PPP1R37: variants seen among roughly 807,000 people sequenced by gnomAD.
The protein encoded by PPP1R37 is leucine rich repeat containing 68.
In PPP1R37, 21 loss-of-function variants were observed where a neutral mutation model predicts 61.0. That is an observed-to-expected ratio of 0.34 (90% CI 0.24 to 0.50). The LOEUF is 0.50. Among genes scored for constraint, PPP1R37 ranks in the 20% least tolerant of loss-of-function variants. The pLI is 0.98. For missense variants in PPP1R37, 910 were observed against 952.7 expected, an observed-to-expected ratio of 0.96 and a Z score of 0.59; for synonymous variants, 443 against 433.5, an observed-to-expected ratio of 1.02 and a Z score of -0.27.
intron 7 of PPP1R37, 125 bp downstream of exon 7, chr19:45,142,583 C>T: frequency 3.8e-6 from 4 of 1,042,998 alleles, no homozygotes; most frequent in Non-Finnish European, 5.5e-6. Context: ...TGCTGGGGCT[C>T]CCAGGAGGAA....
chr19:45,108,358 C>T (rs1442800779), intron 1 of PPP1R37, among the ~76,000 whole-genome samples: 1 of 152,016 alleles, frequency 6.6e-6, no homozygotes, highest in Non-Finnish European at 1.5e-5. Flanking sequence ...TATAGGCGCG[C>T]ACCACCACGC....
chr19:45,125,083 AGAG>A (rs1388066486), intron 1 of PPP1R37, among the ~76,000 whole-genome samples: 3 of 152,228 alleles, frequency 2.0e-5, no homozygotes, highest in South Asian at 2.1e-4. Context: ...TGAAGCAAAA[AGAG>A]GAGATTTGTT....
intron 1 of PPP1R37, among the ~76,000 whole-genome samples, chr19:45,128,124 A>G (rs1968432201): frequency 6.6e-6 from 1 of 152,216 alleles, no homozygotes; most frequent in African/African-American, 2.4e-5. Context: ...TAAAAAATGT[A>G]TATAGAGAGA....
At position 45,128,363 on chromosome 19, in the gene PPP1R37, C is replaced by T. The variant is rs79490553; in HGVS notation, c.203-10151C>T. ...ACTATCTATTACTCTTTTCATGCTA[C>T]AAGGCAGAGTTGAGTAGTTGCTGCA... On this transcript the variant is annotated intron_variant, in intron 1 of 12. Transcript: ENST00000221462. Among the ~76,000 whole-genome samples the T allele has an allele frequency of 9.0e-3, 1,371 of 152,292 alleles. 27 individuals are homozygous for T. The highest frequency in any genetic ancestry group is 0.031 in the African/African-American group (1,268 of 41,556).
intron 1 of PPP1R37, among the ~76,000 whole-genome samples, chr19:45,109,445 G>C (rs896737592): frequency 6.6e-6 from 1 of 152,118 alleles, no homozygotes; most frequent in Non-Finnish European, 1.5e-5. Flanking sequence ...GTGGAGGCCC[G>C]GCCTGGGAAA....
chr19:45,107,622 A>G (rs530001391), intron 1 of PPP1R37, among the ~76,000 whole-genome samples: 3 of 152,168 alleles, frequency 2.0e-5, no homozygotes, highest in African/African-American at 7.2e-5. Flanking sequence ...TAAGTAAATG[A>G]ATTGTTTGTC....
chr19:45,145,632 A>G lies in PPP1R37; in HGVS notation c.1576A>G (p.Thr526Ala). Residue 526 changes from threonine to alanine, a missense_variant, in exon 11 of 13, where the codon ACC becomes GCC. By Grantham distance (58) the Thr-to-Ala change is moderately conservative (BLOSUM62 0). Coordinates refer to ENST00000221462, the MANE Select transcript of PPP1R37 (RefSeq NM_019121.2). ...GGAAGAGGAAGGGGAGAGGGACGAG[A>G]CCCCCTGTCCTGCCCTGGTGCCCCC... ...EEEEEGERDE[T>A]PCPALVPPTD... 6.5e-7 allele frequency: 1 copy of G among 1,534,986 alleles called. No individual in the cohort carries two copies. The highest frequency in any genetic ancestry group is 8.7e-7 in the Non-Finnish European group (1 of 1,146,490).
At position 45,140,649 on chromosome 19, in the gene PPP1R37, G is replaced by A. The variant is rs531738658; in HGVS notation, c.447+43G>A. The A allele has an allele frequency of 1.2e-4, 171 of 1,456,622 alleles. No homozygotes were observed. The African/African-American group carries it at 1.4e-3, about 12-fold the overall frequency. 90.2% of individuals were successfully genotyped at this position (1,456,622 alleles called of 1,614,324 possible). On this transcript the variant is annotated intron_variant, in intron 4 of 12. Transcript: ENST00000221462. ...CGCCCACTTGGCTCCCTGAGCTCCCGGGCCCCTTCGAGGTTTGGGTGGGGA... is the reference window on the plus strand; with the variant it reads ...CGCCCACTTGGCTCCCTGAGCTCCCAGGCCCCTTCGAGGTTTGGGTGGGGA...
intron 1 of PPP1R37, among the ~76,000 whole-genome samples, chr19:45,101,575 G>A (rs1013015727): frequency 1.3e-5 from 2 of 152,188 alleles, no homozygotes; most frequent in South Asian, 2.1e-4. Flanking sequence ...AAAATCAGCC[G>A]GGCATGGTGG....
intron 1 of PPP1R37, among the ~76,000 whole-genome samples, chr19:45,106,807 CTTTTTTTTT>C (rs927426410): frequency 1.3e-5 from 1 of 78,112 alleles, no homozygotes; most frequent in African/African-American, 6.3e-5. Context: ...TGTTGAGCAT[CTTTTTTTTT>C]TTTTTTTTTT....
intron 1 of PPP1R37, among the ~76,000 whole-genome samples, chr19:45,098,109 C>T (rs1307768396): frequency 6.6e-6 from 1 of 152,164 alleles, no homozygotes; most frequent in Admixed American, 6.5e-5. Context: ...CAAGCCACAG[C>T]CAGGTGTGTG....
intron 2 of PPP1R37, 131 bp from the exon 3 acceptor site, chr19:45,140,105 C>CCT (rs1968590704): frequency 1.4e-6 from 1 of 739,170 alleles, no homozygotes; most frequent in African/African-American, 1.7e-5. Flanking sequence ...GGCCTCTGAG[C>CCT]CTCTGTTCAG....
intron 1 of PPP1R37, among the ~76,000 whole-genome samples, chr19:45,106,272 G>A (rs1196890931): frequency 2.0e-5 from 3 of 151,790 alleles, no homozygotes; most frequent in South Asian, 2.1e-4. Flanking sequence ...ATGGAGTTTC[G>A]CTCTTGTTGC....
In PPP1R37 at chr19:45,146,660, G is replaced by C. The variant is rs529291304; in HGVS notation, c.*98G>C. 5.3e-6 allele frequency: 3 copies of C among 565,314 alleles called. No individual in the cohort carries two copies. Among genetic ancestry groups the C allele is most frequent in the Non-Finnish European group, 9.4e-6 (3 of 317,494 alleles). The allele number at this position is 565,314 out of a possible 1,614,324, so 35.0% of individuals were successfully genotyped here. On this transcript the variant is annotated 3_prime_UTR_variant, in exon 13 of 13. Transcript: ENST00000221462. ...CCCCAGCCTTCCTGAGGCCCAGGAT[G>C]CCAGGGGTGGGGGCCATTCTGGGGC...
At chr19:45,126,454 C>G (rs1405306213) in intron 1 of PPP1R37, among the ~76,000 whole-genome samples, 1 of 152,114 alleles carries the variant, frequency 6.6e-6, no homozygotes, top group Non-Finnish European at 1.5e-5. Flanking sequence ...GGAACCCAGG[C>G]GCCTGGCTTC....
intron 1 of PPP1R37, among the ~76,000 whole-genome samples, chr19:45,101,959 A>G (rs1205262403): frequency 2.6e-5 from 4 of 152,162 alleles, no homozygotes; most frequent in African/African-American, 9.7e-5. Flanking sequence ...TGTTTCCCAT[A>G]GCACCTCTGA....
intron 2 of PPP1R37, among the ~76,000 whole-genome samples, chr19:45,139,610 C>T (rs1470886486): frequency 1.3e-5 from 2 of 152,370 alleles, no homozygotes; most frequent in African/African-American, 4.8e-5. Flanking sequence ...TCAGTGTTCA[C>T]TGGAGTTAGG....
chr19:45,100,259 C>T (rs1315191611), intron 1 of PPP1R37: 1 of 152,144 alleles, frequency 6.6e-6, no homozygotes, highest in African/African-American at 2.4e-5. Flanking sequence ...ACCTCAAAGC[C>T]TTTTTTGGAG....
chr19:45,106,717 A>AT (rs1432603674), intron 1 of PPP1R37, among the ~76,000 whole-genome samples: 1 of 147,122 alleles, frequency 6.8e-6, no homozygotes, highest in Non-Finnish European at 1.5e-5. Flanking sequence ...CTTATTTTTA[A>AT]TTGTTTTGTA....
Sources: gnomAD v4.1 joint callset for allele counts (sites outside exome capture counted in the v4.1 genomes callset) on GRCh38, gnomAD v4.1.1 for gene constraint, MANE v1.5 for transcripts, NCBI Gene and HGNC (gene_info 2026-07-23, HGNC 2026-07-21) for gene names.